Variants in SEPTIN3 observed in about 807,000 individuals in gnomAD.
SEPTIN3 encodes septin 3.
Under a neutral mutation model 45.1 loss-of-function variants are expected in SEPTIN3, and 15 were observed. That is an observed-to-expected ratio of 0.33 (90% CI 0.22 to 0.51). SEPTIN3 has a LOEUF of 0.51. SEPTIN3 is among the 20% of genes least tolerant of loss of function. The probability of loss-of-function intolerance (pLI) is 0.97; values close to 1 mark genes in which losing one functional copy is unlikely to be tolerated. For missense variants in SEPTIN3, 289 were observed against 457.2 expected (o/e 0.63, Z 3.35); for synonymous variants, 148 against 164.8 (o/e 0.90, Z 0.78).
At position 41,987,721 on chromosome 22, in the gene SEPTIN3, C is replaced by T; in HGVS notation, c.2007C>T (p.Val669=). The T allele has an allele frequency of 1.2e-6, 2 of 1,614,070 alleles. No individual in the cohort carries two copies. The highest frequency in any genetic ancestry group is 1.7e-6 in the Non-Finnish European group (2 of 1,179,944). The change falls in exon 6 of 12, where the codon GTC becomes GTT. Residue 669 remains valine (V), a synonymous_variant. Transcript: ENST00000644076. ...AGAAACGCATCCCTGACACTCGTGTCCACTGCTGCCTTTACTTCATCTCTC... is the reference window on the plus strand; with the variant it reads ...AGAAACGCATCCCTGACACTCGTGTTCACTGCTGCCTTTACTTCATCTCTC... ...ARKKRIPDTR[V]HCCLYFISPT...
chr22:41,990,048 TC>T (rs2078279592), intron 7 of SEPTIN3, among the ~76,000 whole-genome samples: 2 of 130,528 alleles, frequency 1.5e-5, no homozygotes, highest in Non-Finnish European at 3.4e-5. Flanking sequence ...TGGCATCTTC[TC>T]TTTGTTTTTT....
chr22:41,987,422 C>T (rs2078227439), intron 5 of SEPTIN3, 135 bp downstream of exon 5: 3 of 1,093,234 alleles, frequency 2.7e-6, no homozygotes, highest in Admixed American at 5.0e-5. Context: ...GGCCAGGGCC[C>T]CTGGGGAGCT....
At chr22:41,991,025 C>T (rs536028842) in intron 7 of SEPTIN3, among the ~76,000 whole-genome samples, 11 of 152,284 alleles carry the variant, frequency 7.2e-5, no homozygotes, top group African/African-American at 9.6e-5. Flanking sequence ...GATCGCACCA[C>T]GGTACTCCAG....
intron 2 of SEPTIN3, among the ~76,000 whole-genome samples, chr22:41,973,242 C>A (rs547927925): frequency 6.6e-6 from 1 of 152,156 alleles, no homozygotes; most frequent in African/African-American, 2.4e-5. Flanking sequence ...AAGGTTTTGG[C>A]CAGGTGTGGT....
At chr22:41,974,839 A>G (rs997093033) in intron 2 of SEPTIN3, among the ~76,000 whole-genome samples, 1 of 134,474 alleles carries the variant, frequency 7.4e-6, no homozygotes, top group African/African-American at 2.8e-5. Flanking sequence ...TGAGCGACAG[A>G]GCGAGACTCT....
chr22:41,993,640 A>G (rs1419184110), intron 9 of SEPTIN3, among the ~76,000 whole-genome samples: 1 of 151,732 alleles, frequency 6.6e-6, no homozygotes, highest in Non-Finnish European at 1.5e-5. Flanking sequence ...ACAGATGTGA[A>G]CCACCATGCC....
chr22:41,987,577 G>T, intron 5 of SEPTIN3, 45 bp from the exon 6 acceptor site: 2 of 1,587,488 alleles, frequency 1.3e-6, no homozygotes, highest in Non-Finnish European at 1.7e-6. Context: ...CTGAGCCCTA[G>T]GTCTTGTTCT....
chr22:41,994,876 A>C lies in SEPTIN3; in HGVS notation c.2505+162A>C. 1 of 1,476,420 alleles carries C rather than the reference A, an allele frequency of 6.8e-7. No homozygotes were observed. The highest frequency in any genetic ancestry group is 8.9e-7 in the Non-Finnish European group (1 of 1,120,874). 91.5% of individuals were successfully genotyped at this position (1,476,420 alleles called of 1,614,324 possible). The stretch of plus-strand genomic sequence containing the variant: ...CAGGCCTGTCTGGTATTTGTGGAGC[A>C]TCTTGTCTGTGTGTGTGTGTGTGTG... On this transcript the variant is annotated intron_variant, in intron 11 of 11. Coordinates refer to ENST00000644076, the MANE Select transcript of SEPTIN3 (RefSeq NM_001363845.2). This position sits in a 1 kb window ranked among gnomAD's most constrained non-coding sequence, Gnocchi z 4.2.
intron 2 of SEPTIN3, among the ~76,000 whole-genome samples, chr22:41,978,022 AGC>A (rs1168450057): frequency 6.6e-6 from 1 of 152,164 alleles, no homozygotes; most frequent in Non-Finnish European, 1.5e-5. Flanking sequence ...AGGACCATCT[AGC>A]CAGGATGGCA....
chr22:41,987,189 T>A lies in SEPTIN3; in HGVS notation c.1826-17T>A. 6.2e-7 allele frequency: 1 copy of A among 1,609,252 alleles called. No homozygotes were observed. The highest frequency in any genetic ancestry group is 8.5e-7 in the Non-Finnish European group (1 of 1,177,144). ...TGTAGGACTGACCTCTCTGGTACATTTTCTTTTCACCCCCAGTGATAGAGG... is the reference window on the plus strand; with the variant it reads ...TGTAGGACTGACCTCTCTGGTACATATTCTTTTCACCCCCAGTGATAGAGG... On this transcript the variant is annotated splice_polypyrimidine_tract_variant and intron_variant, in intron 4 of 11. Transcript: ENST00000644076.
intron 6 of SEPTIN3, 55 bp from the exon 7 acceptor site, chr22:41,989,512 G>C: frequency 8.7e-7 from 1 of 1,148,880 alleles, no homozygotes; most frequent in Non-Finnish European, 1.3e-6. Flanking sequence ...GGTGGTGGTG[G>C]CTGAGTTGGG....
intron 11 of SEPTIN3, chr22:41,995,476 C>T (rs1389470943): frequency 1.0e-6 from 1 of 985,424 alleles, no homozygotes; most frequent in Non-Finnish European, 1.2e-6. Flanking sequence ...CACTGCCTGT[C>T]TCTGCTTCCG....
At chr22:41,973,667 C>T (rs553959058) in intron 2 of SEPTIN3, among the ~76,000 whole-genome samples, 89 of 146,356 alleles carry the variant, frequency 6.1e-4, no homozygotes, top group Non-Finnish European at 9.4e-4. Flanking sequence ...AGCGAGACTC[C>T]GTCTCAAAAA....
intron 4 of SEPTIN3, 28 bp downstream of exon 4, chr22:41,986,140 G>A (rs770261585): frequency 3.1e-6 from 5 of 1,608,884 alleles, no homozygotes; most frequent in Non-Finnish European, 3.4e-6. Context: ...ACCCCTATGG[G>A]CTTTGTTCAG....
chr22:41,975,920 C>T (rs535238814), intron 2 of SEPTIN3, among the ~76,000 whole-genome samples: 24 of 152,346 alleles, frequency 1.6e-4, no homozygotes, highest in Admixed American at 4.6e-4. Flanking sequence ...CATTACCTTC[C>T]ATTAAAATCC....
In SEPTIN3 at chr22:41,976,828, C is replaced by CGGG. The variant is rs2078031112; in HGVS notation, c.1504+3833_1504+3834insGGG. On this transcript the variant is annotated intron_variant, in intron 2 of 11. Coordinates refer to ENST00000644076, the MANE Select transcript of SEPTIN3 (RefSeq NM_001363845.2). The surrounding 1 kb of genome is among the most constrained non-coding windows in gnomAD (Gnocchi z 5.8). ...GGCTGGCGGCGGCGGCAACGGTGCG[C>CGGG]GCGGACAGGGGCGGCGCGGCGCCGA... 1 of 149,296 alleles carries CGGG rather than the reference C, an allele frequency of 6.7e-6. No homozygotes were observed. Among genetic ancestry groups the CGGG allele is most frequent in the Non-Finnish European group, 1.5e-5 (1 of 67,928 alleles). The allele number at this position is 149,296 out of a possible 1,614,324, so 9.2% of individuals were successfully genotyped here.
chr22:41,997,036 T>C lies in SEPTIN3; in HGVS notation c.*69T>C. ...TTATTGCTGCAGGGCCAAGCCCTTT[T>C]TAGTGCTGTGCTCGTCCAGCTCACC... On this transcript the variant is annotated 3_prime_UTR_variant, in exon 12 of 12. Transcript: ENST00000644076. 1 of 1,611,210 alleles carries C rather than the reference T, an allele frequency of 6.2e-7. No individual in the cohort carries two copies.
At chr22:41,986,524 G>T (rs1224444759) in intron 4 of SEPTIN3, among the ~76,000 whole-genome samples, 1 of 152,004 alleles carries the variant, frequency 6.6e-6, no homozygotes, top group African/African-American at 2.4e-5. Context: ...TTTTGAGACG[G>T]AGTCTTGCTT....
intron 11 of SEPTIN3, chr22:41,995,925 C>T: frequency 1.0e-6 from 1 of 980,426 alleles, no homozygotes. Flanking sequence ...AAACAATATA[C>T]ATAATTTGTC....
Sources: gnomAD v4.1 joint callset for allele counts (sites outside exome capture counted in the v4.1 genomes callset) on GRCh38, gnomAD v4.1.1 for gene constraint, Gnocchi (gnomAD v3.1) non-coding constraint, MANE v1.5 for transcripts, NCBI Gene and HGNC (gene_info 2026-07-23, HGNC 2026-07-21) for gene names.